Variants in CYP27A1 observed in about 807,000 individuals in gnomAD.
CYP27A1 encodes sterol 26-hydroxylase, mitochondrial.
Under a neutral mutation model 58.2 loss-of-function variants are expected in CYP27A1, and 46 were observed. The ratio of observed to expected loss-of-function variants is 0.79; its 90% CI spans 0.62 to 1.01. The LOEUF is 1.01. CYP27A1 is among the 50% of genes least tolerant of loss of function. CYP27A1 has a pLI of 0.00. For synonymous variants in CYP27A1, 274 were observed against 285.1 expected (o/e 0.96, Z 0.39); for missense variants, 704 against 687.0 (o/e 1.02, Z -0.28).
intron 1 of CYP27A1, among the ~76,000 whole-genome samples, chr2:218,793,394 A>G (rs1943515395): frequency 6.6e-6 from 1 of 152,342 alleles, no homozygotes; most frequent in Admixed American, 6.5e-5. Context: ...ACTTAAAAAC[A>G]AAAAACCTGT....
chr2:218,805,818 C>G (rs1340130680), intron 1 of CYP27A1: 1 of 152,152 alleles, frequency 6.6e-6, no homozygotes, highest in Non-Finnish European at 1.5e-5. Flanking sequence ...ACAGACACAG[C>G]ACGCATCTCT....
At chr2:218,799,462 G>A (rs1029570343) in intron 1 of CYP27A1, among the ~76,000 whole-genome samples, 2 of 151,996 alleles carry the variant, frequency 1.3e-5, no homozygotes, top group Non-Finnish European at 2.9e-5. Context: ...AAACAACCTC[G>A]GGATGCGGCC....
Position 218,810,728 on chromosome 2 carries a change from G to A in CYP27A1, c.446+961G>A, listed in dbSNP as rs554645216. 2.6e-5 allele frequency among the ~76,000 whole-genome samples: 4 copies of A among 152,224 alleles called. No homozygotes were observed. The South Asian group carries it at 8.3e-4, about 32-fold the overall frequency. On this transcript the variant is annotated intron_variant, in intron 2 of 8. Transcript: ENST00000258415. ...AACAACGTGAAGTCCCAACAAATAG[G>A]TCTATTCTGGTTTTCATTTCTTTTT...
intron 1 of CYP27A1, among the ~76,000 whole-genome samples, chr2:218,794,541 C>G (rs1410722465): frequency 2.6e-5 from 4 of 152,126 alleles, no homozygotes; most frequent in African/African-American, 9.7e-5. Context: ...GGCCTTTTAC[C>G]AGTTTGCCCA....
chr2:218,798,282 G>A (rs1369150849), intron 1 of CYP27A1, among the ~76,000 whole-genome samples: 1 of 152,186 alleles, frequency 6.6e-6, no homozygotes. Flanking sequence ...TGGGATTACA[G>A]GCATGGGTTA....
At chr2:218,809,252 C>T (rs1317508874) in intron 1 of CYP27A1, among the ~76,000 whole-genome samples, 2 of 152,128 alleles carry the variant, frequency 1.3e-5, no homozygotes, top group Admixed American at 6.5e-5. Context: ...CTCCAACATA[C>T]ACCTCAACGT....
chr2:218,812,640 G>A lies in CYP27A1; in HGVS notation c.735G>A (p.Gly245=), dbSNP rs770631614. ...EDTVTFVRSI[G]LMFQNSLYAT... ...CCGTGACCTTCGTCAGATCCATCGG[G>A]TTAATGTTCCAGAACTCACTCTATG... Residue 245 remains glycine, a synonymous_variant, in exon 4 of 9, where the codon GGG becomes GGA. Coordinates refer to ENST00000258415, the MANE Select transcript of CYP27A1 (RefSeq NM_000784.4). The A allele has an allele frequency of 1.2e-6, 2 of 1,614,104 alleles. No individual in the cohort carries two copies. Among genetic ancestry groups the A allele is most frequent in the Admixed American group, 1.7e-5 (1 of 60,010 alleles).
intron 1 of CYP27A1, among the ~76,000 whole-genome samples, chr2:218,798,937 T>A (rs900958064): frequency 6.6e-6 from 1 of 152,002 alleles, no homozygotes; most frequent in Non-Finnish European, 1.5e-5. Flanking sequence ...AGACTTTGAG[T>A]AAAGCAGATT....
rs2105980463 is a variant in CYP27A1, at chr2:218,813,052, G to T, written c.973G>T (p.Ala325Ser). Residue 325 changes from alanine (A) to serine (S), a missense_variant, in exon 5 of 9, where the codon GCC (alanine) becomes TCC (serine). Physicochemically the swap from Ala to Ser is moderately conservative, Grantham distance 99. Coordinates refer to ENST00000258415, the MANE Select transcript of CYP27A1 (RefSeq NM_000784.4). The part of the protein sequence containing the change: ...LASGQLSPRE[A>S]MGSLPELLMA... ...CAGTGGACAGCTCAGTCCTCGGGAGGCCATGGGCAGCCTGCCTGAGCTGCT... is the reference window on the plus strand; with the variant it reads ...CAGTGGACAGCTCAGTCCTCGGGAGTCCATGGGCAGCCTGCCTGAGCTGCT... 3.1e-6 allele frequency: 5 copies of T among 1,614,004 alleles called. No homozygotes were observed. The East Asian group carries it at 1.1e-4, about 36-fold the overall frequency.
chr2:218,814,629 C>A lies in CYP27A1; in HGVS notation c.1348C>A (p.Leu450Met). 1 of 1,614,236 alleles carries A rather than the reference C, an allele frequency of 6.2e-7. No individual in the cohort carries two copies. Among genetic ancestry groups the A allele is most frequent in the Non-Finnish European group, 8.5e-7 (1 of 1,180,030 alleles). Reference sequence around the variant, plus strand: ...TGAAAGCTTCCAGCCCCACCGCTGGCTGAGAAACAGCCAGCCTGCTACCCC... The same window carrying A: ...TGAAAGCTTCCAGCCCCACCGCTGGATGAGAAACAGCCAGCCTGCTACCCC... ...EPESFQPHRW[L>M]RNSQPATPRI... The change falls in exon 8 of 9, where the codon CTG becomes ATG. Residue 450 changes from leucine (L) to methionine (M), a missense_variant. By Grantham distance (15) the Leu-to-Met change is conservative. Transcript: ENST00000258415.
At chr2:218,786,358 G>C (rs1405981751) in intron 1 of CYP27A1, among the ~76,000 whole-genome samples, 2 of 152,212 alleles carry the variant, frequency 1.3e-5, no homozygotes, top group Admixed American at 1.3e-4. Context: ...GGACGGCAAT[G>C]GATGTAGGAA....
At chr2:218,809,464 T>TTTG in intron 1 of CYP27A1, 113 bp from the exon 2 acceptor site, 1 of 355,636 alleles carries the variant, frequency 2.8e-6, no homozygotes, top group South Asian at 3.2e-5. Flanking sequence ...TTTTTTTTTT[T>TTTG]GCCCAGCTCA....
chr2:218,797,173 G>A (rs927037685), intron 1 of CYP27A1, among the ~76,000 whole-genome samples: 3 of 152,080 alleles, frequency 2.0e-5, no homozygotes, highest in Admixed American at 6.6e-5. Flanking sequence ...TTGGCTCACT[G>A]CAATCTCCCT....
intron 1 of CYP27A1, among the ~76,000 whole-genome samples, chr2:218,783,381 A>AAT (rs747424142): frequency 1.3e-5 from 2 of 152,194 alleles, no homozygotes; most frequent in Non-Finnish European, 2.9e-5. Flanking sequence ...AGAACACAGA[A>AAT]ATGAGGCAGG....
At chr2:218,802,791 A>G (rs1262865271) in intron 1 of CYP27A1, among the ~76,000 whole-genome samples, 1 of 152,118 alleles carries the variant, frequency 6.6e-6, no homozygotes, top group East Asian at 1.9e-4. Flanking sequence ...CCTTAATGAC[A>G]AATGATGTTG....
At chr2:218,806,304 G>A (rs1359012641) in intron 1 of CYP27A1, among the ~76,000 whole-genome samples, 1 of 152,132 alleles carries the variant, frequency 6.6e-6, no homozygotes, top group Non-Finnish European at 1.5e-5. Flanking sequence ...AAAGAATTAG[G>A]AGACATATTA....
At position 218,815,238 on chromosome 2, in the gene CYP27A1, C is replaced by CG. The variant is rs1010673759; in HGVS notation, c.*209dup. 1 of 596,858 alleles carries CG rather than the reference C, an allele frequency of 1.7e-6. No homozygotes were observed. The highest frequency in any genetic ancestry group is 1.9e-5 in the African/African-American group (1 of 53,848). 37.0% of individuals were successfully genotyped at this position (596,858 alleles called of 1,614,324 possible). Reference sequence around the variant, plus strand: ...CTCAGCTAAAAGGCCACCCCTTTATCGCATTGCTGTCCTTGGGTAGAATAT... The same window carrying CG: ...CTCAGCTAAAAGGCCACCCCTTTATCGGCATTGCTGTCCTTGGGTAGAATAT... On this transcript the variant is annotated 3_prime_UTR_variant, in exon 9 of 9. Coordinates refer to ENST00000258415, the MANE Select transcript of CYP27A1 (RefSeq NM_000784.4).
Position 218,815,231 on chromosome 2 carries a change from C to G in CYP27A1, c.*201C>G, listed in dbSNP as rs1008010102. 3.3e-5 allele frequency: 20 copies of G among 608,530 alleles called. No individual in the cohort carries two copies. The highest frequency in any genetic ancestry group is 5.3e-5 in the Non-Finnish European group (18 of 342,522). The allele number at this position is 608,530 out of a possible 1,614,324, so 37.7% of individuals were successfully genotyped here. A position where few individuals can be genotyped will look rare whatever the true frequency, so the allele number is the denominator to read the frequency against. On this transcript the variant is annotated 3_prime_UTR_variant, in exon 9 of 9. Transcript: ENST00000258415. Reference sequence around the variant, plus strand: ...ACTCCCTCTCAGCTAAAAGGCCACCCCTTTATCGCATTGCTGTCCTTGGGT... The same window carrying G: ...ACTCCCTCTCAGCTAAAAGGCCACCGCTTTATCGCATTGCTGTCCTTGGGT...
intron 5 of CYP27A1, among the ~76,000 whole-genome samples, chr2:218,813,390 T>C (rs1001882677): frequency 1.3e-5 from 2 of 152,170 alleles, no homozygotes; most frequent in African/African-American, 4.8e-5. Context: ...GCAATTTGAA[T>C]GGAGAGTTGG....
Sources: allele counts gnomAD v4.1 joint callset (sites outside exome capture counted in the v4.1 genomes callset), GRCh38; gene constraint gnomAD v4.1.1; transcripts MANE v1.5; gene names NCBI Gene and HGNC (gene_info 2026-07-23, HGNC 2026-07-21).